Variants in GALNTL6 observed in about 807,000 individuals in gnomAD.
GALNTL6 encodes the protein polypeptide N-acetylgalactosaminyltransferase-like 6.
A neutral mutation model predicts 73.7 loss-of-function variants in GALNTL6; 46 were observed. The ratio of observed to expected loss-of-function variants is 0.62; its 90% CI spans 0.49 to 0.80. The LOEUF (loss-of-function observed/expected upper bound fraction) is 0.80. Among genes scored for constraint, GALNTL6 ranks in the 30% least tolerant of loss-of-function variants. GALNTL6 has a pLI of 0.00. For missense variants in GALNTL6, 604 were observed against 755.0 expected (o/e 0.80, Z 2.34); for synonymous variants, 259 against 263.7 (o/e 0.98, Z 0.17).
At chr4:171,958,937 A>G (rs1739135672) in intron 2 of GALNTL6, among the ~76,000 whole-genome samples, 1 of 152,060 alleles carries the variant, frequency 6.6e-6, no homozygotes, top group Admixed American at 6.6e-5. Context: ...ATAATAAAAT[A>G]TTTTTTCTTT....
chr4:172,888,927 T>C (rs1745872470), intron 8 of GALNTL6, among the ~76,000 whole-genome samples: 1 of 152,208 alleles, frequency 6.6e-6, no homozygotes, highest in African/African-American at 2.4e-5. Context: ...ATGTCATCTA[T>C]GATTTCTTTC....
At chr4:171,959,452 T>C (rs532020316) in intron 2 of GALNTL6, among the ~76,000 whole-genome samples, 86 of 152,288 alleles carry the variant, frequency 5.6e-4, no homozygotes, top group African/African-American at 2.0e-3. Flanking sequence ...TGTTAAATTG[T>C]TTAGTGTTCC....
intron 2 of GALNTL6, among the ~76,000 whole-genome samples, chr4:172,090,212 A>G (rs1732162062): frequency 6.6e-6 from 1 of 152,202 alleles, no homozygotes; most frequent in South Asian, 2.1e-4. Flanking sequence ...TTGGATATAT[A>G]CCCAGTAATA....
At chr4:172,209,937 A>G (rs963716548) in intron 2 of GALNTL6, among the ~76,000 whole-genome samples, 6 of 152,094 alleles carry the variant, frequency 3.9e-5, no homozygotes, top group African/African-American at 1.4e-4. Flanking sequence ...ATCTAAATGC[A>G]AACTAGTACA....
intron 2 of GALNTL6, among the ~76,000 whole-genome samples, chr4:171,865,343 A>G (rs1415577386): frequency 6.6e-6 from 1 of 152,144 alleles, no homozygotes; most frequent in Non-Finnish European, 1.5e-5. Context: ...TGAGAAAGCA[A>G]CACAGAAAAA....
chr4:171,893,704 G>A (rs928730585), intron 2 of GALNTL6, among the ~76,000 whole-genome samples: 3 of 152,196 alleles, frequency 2.0e-5, no homozygotes, highest in East Asian at 1.9e-4. Context: ...TTAAGAACTC[G>A]TAAGTTTAAA....
intron 7 of GALNTL6, among the ~76,000 whole-genome samples, chr4:172,827,379 C>T (rs1312250058): frequency 6.6e-6 from 1 of 152,192 alleles, no homozygotes; most frequent in Non-Finnish European, 1.5e-5. Context: ...CTATCTCAGA[C>T]TCTGTCTGCC....
chr4:172,067,293 AG>A (rs1262993722), intron 2 of GALNTL6, among the ~76,000 whole-genome samples: 1 of 152,032 alleles, frequency 6.6e-6, no homozygotes, highest in Non-Finnish European at 1.5e-5. Flanking sequence ...CTAAATATTG[AG>A]GTGACCCAAA....
chr4:172,206,801 TTC>T (rs1736132647), intron 2 of GALNTL6, among the ~76,000 whole-genome samples: 1 of 15,666 alleles, frequency 6.4e-5, no homozygotes, highest in Non-Finnish European at 2.1e-4. Context: ...TGTTTTGTTT[TTC>T]TGTTTTTTTT....
intron 5 of GALNTL6, among the ~76,000 whole-genome samples, chr4:172,640,169 A>G (rs998663979): frequency 6.6e-6 from 1 of 152,152 alleles, no homozygotes; most frequent in Non-Finnish European, 1.5e-5. Context: ...AAACCATTAC[A>G]TTACAAATGC....
chr4:172,116,438 A>G (rs1732985991), intron 2 of GALNTL6, among the ~76,000 whole-genome samples: 1 of 152,156 alleles, frequency 6.6e-6, no homozygotes, highest in South Asian at 2.1e-4. Flanking sequence ...GATGACTTTT[A>G]TTATCTATTA....
chr4:172,882,986 A>T (rs1745538865), intron 8 of GALNTL6, 79 bp downstream of exon 8: 2 of 768,372 alleles, frequency 2.6e-6, no homozygotes. Flanking sequence ...TTGCTCTGTG[A>T]CCTGTGTTCT....
intron 5 of GALNTL6, among the ~76,000 whole-genome samples, chr4:172,578,179 C>T (rs952939321): frequency 2.0e-5 from 3 of 152,096 alleles, no homozygotes; most frequent in Admixed American, 6.5e-5. Context: ...CATAGAATGG[C>T]TTATTTTTAT....
intron 5 of GALNTL6, among the ~76,000 whole-genome samples, chr4:172,759,650 A>C (rs542326893): frequency 6.6e-6 from 1 of 152,232 alleles, no homozygotes; most frequent in South Asian, 2.1e-4. Flanking sequence ...TGTAGCACTA[A>C]CCATGAACAT....
intron 2 of GALNTL6, among the ~76,000 whole-genome samples, chr4:171,988,509 T>C (rs1470153509): frequency 6.6e-6 from 1 of 152,158 alleles, no homozygotes; most frequent in East Asian, 1.9e-4. Flanking sequence ...AAAGAAAGCA[T>C]GTTTGAGATC....
intron 2 of GALNTL6, among the ~76,000 whole-genome samples, chr4:172,028,571 T>G (rs1185285782): frequency 1.3e-5 from 2 of 152,034 alleles, no homozygotes; most frequent in Non-Finnish European, 2.9e-5. Context: ...GATATGGAAA[T>G]TTTGTTATGA....
chr4:172,098,168 G>GTC (rs888986853), intron 2 of GALNTL6, among the ~76,000 whole-genome samples: 4 of 151,882 alleles, frequency 2.6e-5, no homozygotes, highest in African/African-American at 9.7e-5. Context: ...CTGTATATAT[G>GTC]TCTCTCTCTA....
intron 5 of GALNTL6, among the ~76,000 whole-genome samples, chr4:172,800,569 G>A (rs914308675): frequency 6.6e-6 from 1 of 151,954 alleles, no homozygotes; most frequent in African/African-American, 2.4e-5. Flanking sequence ...TTTACATTTG[G>A]GCATTTGAAC....
At chr4:171,851,704 T>G (rs1735527585) in intron 2 of GALNTL6, among the ~76,000 whole-genome samples, 1 of 152,220 alleles carries the variant, frequency 6.6e-6, no homozygotes, top group African/African-American at 2.4e-5. Context: ...CATTATTGCA[T>G]GTGAACTTAA....
Sources: gnomAD v4.1 joint callset for allele counts (sites outside exome capture counted in the v4.1 genomes callset) on GRCh38, gnomAD v4.1.1 for gene constraint, MANE v1.5 for transcripts, NCBI Gene and HGNC (gene_info 2026-07-23, HGNC 2026-07-21) for gene names.